DDX60: variants seen among roughly 807,000 people sequenced by gnomAD.
DDX60 encodes the protein probable ATP-dependent RNA helicase DDX60.
Under a neutral mutation model 212.8 loss-of-function variants are expected in DDX60, and 165 were observed. That is an observed-to-expected ratio of 0.78 (90% CI 0.68 to 0.88). The LOEUF (loss-of-function observed/expected upper bound fraction) is 0.88, where lower values mean the gene tolerates loss of function less well. Ranked by LOEUF, DDX60 falls within the 40% of genes least tolerant of loss-of-function variation. The pLI is 0.00. For synonymous variants in DDX60, 703 were observed against 685.3 expected (o/e 1.03, Z -0.40); for missense variants, 1,905 against 2,003.9 (o/e 0.95, Z 0.94).
At chr4:168,257,085 G>A (rs1452472237) in intron 25 of DDX60, among the ~76,000 whole-genome samples, 1 of 152,152 alleles carries the variant, frequency 6.6e-6, no homozygotes, top group Non-Finnish European at 1.5e-5. Context: ...AGCACTTTGG[G>A]AGGCCGAGGT....
intron 36 of DDX60, among the ~76,000 whole-genome samples, chr4:168,220,991 G>A (rs577969426): frequency 2.0e-5 from 3 of 152,248 alleles, no homozygotes; most frequent in Admixed American, 6.5e-5. Context: ...ATAAAGCTCA[G>A]GAGGGTAAAT....
At chr4:168,259,433 G>T (rs1301177581) in intron 25 of DDX60, among the ~76,000 whole-genome samples, 1 of 152,070 alleles carries the variant, frequency 6.6e-6, no homozygotes, top group East Asian at 1.9e-4. Context: ...AAAGATAAAA[G>T]GAGTAATATT....
rs564894448 is a variant in DDX60 at position 168,251,329 on chromosome 4, C to T, written c.3706-223G>A. Among the ~76,000 whole-genome samples, 13 of 152,322 alleles carry T rather than the reference C, an allele frequency of 8.5e-5. No individual in the cohort carries two copies. The South Asian group carries it at 2.5e-3, about 29-fold the overall frequency. On this transcript the variant is annotated intron_variant, in intron 27 of 37. Coordinates refer to ENST00000393743, the MANE Select transcript of DDX60 (RefSeq NM_017631.6). Reference sequence around the variant, plus strand: ...CATCTTAAACTGTCTTACTCCACTTCTGGGGCAGAAAATTTTGACAAAGTA... The same window carrying T: ...CATCTTAAACTGTCTTACTCCACTTTTGGGGCAGAAAATTTTGACAAAGTA...
Position 168,307,990 on chromosome 4 carries a change from T to C in DDX60, c.264+16A>G, listed in dbSNP as rs1039872701. On this transcript the variant is annotated intron_variant, in intron 4 of 37. Coordinates refer to ENST00000393743, the MANE Select transcript of DDX60 (RefSeq NM_017631.6). ...TAGTTCTCATATTATAAAAAAGAAC[T>C]CAACTATCATGTTACCTTGAAGAAA... 7 of 1,493,186 alleles carry C rather than the reference T, an allele frequency of 4.7e-6. No individual in the cohort carries two copies. The African/African-American group carries it at 1.0e-4, about 22-fold the overall frequency. 92.5% of individuals were successfully genotyped at this position (1,493,186 alleles called of 1,614,324 possible). A position where few individuals can be genotyped will look rare whatever the true frequency, so the allele number is the denominator to read the frequency against.
chr4:168,286,422 C>CCA (rs1560859599), intron 10 of DDX60, among the ~76,000 whole-genome samples: 2 of 57,858 alleles, frequency 3.5e-5, no homozygotes, highest in Non-Finnish European at 6.6e-5. Flanking sequence ...ACACACCACA[C>CCA]GAGATAGATA....
intron 37 of DDX60, among the ~76,000 whole-genome samples, chr4:168,218,397 T>A (rs1732927874): frequency 2.0e-5 from 3 of 152,152 alleles, no homozygotes. Flanking sequence ...CTGCATAAAT[T>A]TTTTTACCAA....
chr4:168,275,404 G>A lies in DDX60; in HGVS notation c.2245C>T (p.Arg749Ter), dbSNP rs377301178. 16 of 1,612,304 alleles carry A rather than the reference G, an allele frequency of 9.9e-6. No homozygotes were observed. Among genetic ancestry groups the A allele is most frequent in the Admixed American group, 6.7e-5 (4 of 59,886 alleles). ...QLQYMGHYLI[R>*]DERKDPDPRV... ...GGATCTGGGTCTTTTCTCTCATCTCGTATCAAATAATGGCCCATGTATTGC... is the reference window on the plus strand; with the variant it reads ...GGATCTGGGTCTTTTCTCTCATCTCATATCAAATAATGGCCCATGTATTGC... The change falls in exon 16 of 38, where the codon CGA (arginine) becomes TGA (stop). Residue 749 changes from arginine (R) to a stop codon, truncating the protein, a stop_gained. Transcript: ENST00000393743. LOFTEE classifies it high-confidence loss of function.
chr4:168,238,922 C>T (rs994155778), intron 30 of DDX60, among the ~76,000 whole-genome samples: 1 of 152,128 alleles, frequency 6.6e-6, no homozygotes, highest in African/African-American at 2.4e-5. Flanking sequence ...GGGCCAAAAA[C>T]TATTCATCCA....
intron 33 of DDX60, among the ~76,000 whole-genome samples, chr4:168,231,339 C>T (rs2149493690): frequency 6.6e-6 from 1 of 151,892 alleles, no homozygotes; most frequent in South Asian, 2.1e-4. Flanking sequence ...AGAGGGAATC[C>T]TCCCTAAATT....
chr4:168,236,445 G>T, intron 32 of DDX60, 72 bp from the exon 33 acceptor site: 3 of 1,298,088 alleles, frequency 2.3e-6, no homozygotes, highest in Non-Finnish European at 3.2e-6. Flanking sequence ...TAAATGGAAT[G>T]TCATATTACA....
intron 2 of DDX60, 60 bp downstream of exon 2, chr4:168,311,196 T>C: frequency 1.9e-6 from 3 of 1,564,210 alleles, no homozygotes; most frequent in Non-Finnish European, 2.6e-6. Flanking sequence ...CCATTAAATC[T>C]ATGTAGTTTA....
chr4:168,302,978 T>C (rs1408657363), intron 5 of DDX60, among the ~76,000 whole-genome samples: 2 of 152,048 alleles, frequency 1.3e-5, no homozygotes, highest in African/African-American at 4.8e-5. Context: ...AATTAGGAAA[T>C]AGATTTTAAC....
intron 35 of DDX60, 125 bp downstream of exon 35, chr4:168,224,118 G>A: frequency 1.0e-6 from 1 of 999,196 alleles, no homozygotes; most frequent in Non-Finnish European, 1.5e-6. Flanking sequence ...TATATCTGTT[G>A]ATACACCCAG....
intron 3 of DDX60, among the ~76,000 whole-genome samples, chr4:168,309,130 G>A (rs753926863): frequency 6.6e-6 from 1 of 152,092 alleles, no homozygotes; most frequent in African/African-American, 2.4e-5. Flanking sequence ...ACTTCTTGTT[G>A]TATGGTGGTA....
chr4:168,217,123 C>G, intron 37 of DDX60, 91 bp from the exon 38 acceptor site: 1 of 744,112 alleles, frequency 1.3e-6, no homozygotes, highest in Non-Finnish European at 2.2e-6. Context: ...GTAAGGAAAT[C>G]CCATCAGATG....
chr4:168,251,632 CG>C (rs562544147), intron 27 of DDX60, among the ~76,000 whole-genome samples: 8 of 152,170 alleles, frequency 5.3e-5, no homozygotes, highest in African/African-American at 1.2e-4. Flanking sequence ...GACAAAAAAA[CG>C]CTTCCAAAAG....
chr4:168,272,471 A>C (rs964059901), intron 18 of DDX60, among the ~76,000 whole-genome samples: 2 of 152,242 alleles, frequency 1.3e-5, no homozygotes, highest in Non-Finnish European at 2.9e-5. Context: ...GTTTAGATTG[A>C]AAGATGTTTA....
chr4:168,280,226 G>C, intron 14 of DDX60, 109 bp downstream of exon 14: 2 of 1,321,922 alleles, frequency 1.5e-6, no homozygotes, highest in Admixed American at 2.3e-5. Flanking sequence ...AAGTAAGATA[G>C]GGCATGTAAG....
intron 35 of DDX60, 114 bp downstream of exon 35, chr4:168,224,129 A>ATT: frequency 7.6e-6 from 8 of 1,057,186 alleles, no homozygotes; most frequent in South Asian, 1.5e-5. Context: ...ATACACCCAG[A>ATT]TTTTTTTTTT....
Sources: allele counts gnomAD v4.1 joint callset (sites outside exome capture counted in the v4.1 genomes callset), GRCh38; gene constraint gnomAD v4.1.1; transcripts MANE v1.5; gene names NCBI Gene and HGNC (gene_info 2026-07-23, HGNC 2026-07-21).